Variants in RNGTT observed in about 807,000 individuals in gnomAD.
RNGTT encodes RNA guanylyltransferase and 5'-phosphatase.
RNGTT carries 33 observed loss-of-function variants against 79.3 expected under a neutral mutation model. The observed-to-expected ratio is 0.42, with a 90% CI of 0.32 to 0.56. RNGTT has a LOEUF of 0.56. Ranked by LOEUF, RNGTT falls within the 20% of genes least tolerant of loss-of-function variation. The probability of loss-of-function intolerance (pLI) is 0.17; values close to 1 mark genes in which losing one functional copy is unlikely to be tolerated. For synonymous variants in RNGTT, 222 were observed against 235.9 expected, an observed-to-expected ratio of 0.94 and a Z score of 0.54; for missense variants, 497 against 739.1, an observed-to-expected ratio of 0.67 and a Z score of 3.80.
chr6:88,768,384 A>G (rs1302459432), intron 13 of RNGTT, among the ~76,000 whole-genome samples: 8 of 152,204 alleles, frequency 5.3e-5, no homozygotes, highest in African/African-American at 1.9e-4. Flanking sequence ...CTGGAATTAC[A>G]GGCATGAGCC....
At chr6:88,728,405 C>T (rs570880284) in intron 13 of RNGTT, among the ~76,000 whole-genome samples, 31 of 152,156 alleles carry the variant, frequency 2.0e-4, no homozygotes, top group Non-Finnish European at 3.7e-4. Context: ...CCAGTGTCAA[C>T]CAGGAGTCTT....
At chr6:88,811,677 T>C (rs988385320) in intron 11 of RNGTT, among the ~76,000 whole-genome samples, 5 of 152,136 alleles carry the variant, frequency 3.3e-5, no homozygotes, top group Admixed American at 6.5e-5. Flanking sequence ...CCAATGTTAT[T>C]AGAAATACGA....
chr6:88,895,121 C>T (rs1057286084), intron 6 of RNGTT, among the ~76,000 whole-genome samples: 2 of 151,588 alleles, frequency 1.3e-5, no homozygotes, highest in African/African-American at 4.8e-5. Flanking sequence ...AGTCAGCTAG[C>T]CTTAAAATTA....
chr6:88,734,134 G>A (rs986279306), intron 13 of RNGTT, among the ~76,000 whole-genome samples: 2 of 152,080 alleles, frequency 1.3e-5, no homozygotes, highest in Admixed American at 1.3e-4. Flanking sequence ...GGCAATTACA[G>A]CATATAGTTC....
chr6:88,662,880 G>C (rs953251574), intron 14 of RNGTT, among the ~76,000 whole-genome samples: 13 of 152,206 alleles, frequency 8.5e-5, no homozygotes, highest in African/African-American at 3.1e-4. Context: ...CTTGGAACTG[G>C]CCCACTCCAT....
At chr6:88,930,443 G>A (rs1162691032) in intron 2 of RNGTT, among the ~76,000 whole-genome samples, 1 of 151,818 alleles carries the variant, frequency 6.6e-6, no homozygotes, top group Admixed American at 6.6e-5. Context: ...GCCACGGCAA[G>A]AGGATCGCTT....
intron 14 of RNGTT, among the ~76,000 whole-genome samples, chr6:88,674,948 A>G (rs969122710): frequency 2.2e-4 from 34 of 151,910 alleles, no homozygotes; most frequent in African/African-American, 7.0e-4. Flanking sequence ...AATACAAAAA[A>G]TTAGCCAGGC....
intron 5 of RNGTT, 31 bp from the exon 6 acceptor site, chr6:88,904,986 C>G: frequency 2.5e-6 from 4 of 1,606,130 alleles, no homozygotes; most frequent in Non-Finnish European, 3.4e-6. Context: ...GCAATTTCCT[C>G]GCTATCCTCT....
At chr6:88,699,121 T>C (rs1395022410) in intron 13 of RNGTT, among the ~76,000 whole-genome samples, 1 of 152,190 alleles carries the variant, frequency 6.6e-6, no homozygotes, top group Non-Finnish European at 1.5e-5. Context: ...TATTTTTCCA[T>C]TCTATTAGAT....
intron 12 of RNGTT, among the ~76,000 whole-genome samples, chr6:88,799,528 G>A (rs568660514): frequency 1.4e-3 from 206 of 151,794 alleles, no homozygotes; most frequent in African/African-American, 4.4e-3. Flanking sequence ...GTGAAACTCC[G>A]TTTCTACTAA....
chr6:88,890,391 C>T (rs914772826), intron 8 of RNGTT, 104 bp downstream of exon 8: 4 of 711,030 alleles, frequency 5.6e-6, no homozygotes, highest in African/African-American at 3.6e-5. Flanking sequence ...TTGCTATTCA[C>T]ATTAGAAATT....
At chr6:88,815,035 C>T (rs925749053) in intron 11 of RNGTT, among the ~76,000 whole-genome samples, 3 of 152,186 alleles carry the variant, frequency 2.0e-5, no homozygotes. Context: ...TACCTGGAGT[C>T]ACTGGAGAGT....
intron 8 of RNGTT, among the ~76,000 whole-genome samples, chr6:88,859,203 C>CT (rs150317107): frequency 7.4e-5 from 11 of 147,832 alleles, no homozygotes; most frequent in Admixed American, 1.4e-4. Flanking sequence ...GTTATTTTAA[C>CT]TTTTTTTTTT....
At chr6:88,726,891 A>G (rs928005624) in intron 13 of RNGTT, among the ~76,000 whole-genome samples, 4 of 152,196 alleles carry the variant, frequency 2.6e-5, no homozygotes, top group Non-Finnish European at 5.9e-5. Context: ...TAACAGTGTA[A>G]CATGCATTAT....
intron 14 of RNGTT, among the ~76,000 whole-genome samples, chr6:88,640,259 G>T (rs1314654670): frequency 6.6e-6 from 1 of 151,718 alleles, no homozygotes; most frequent in South Asian, 2.1e-4. Flanking sequence ...GTCATTTATC[G>T]AGCAATAAAG....
intron 1 of RNGTT, among the ~76,000 whole-genome samples, chr6:88,950,861 GT>G (rs56393697): frequency 0.28 from 40,589 of 142,626 alleles, 6,276 homozygotes; most frequent in East Asian, 0.6. Context: ...ACTGTTTTTG[GT>G]TTTTTTTTTT....
chr6:88,826,475 G>A (rs1780657874), intron 11 of RNGTT, among the ~76,000 whole-genome samples: 1 of 151,924 alleles, frequency 6.6e-6, no homozygotes, highest in South Asian at 2.1e-4. Context: ...TAGTAAGACT[G>A]GCTCTGCTCG....
chr6:88,638,690 TTTTC>T (rs1582263698), intron 14 of RNGTT, among the ~76,000 whole-genome samples: 1 of 152,086 alleles, frequency 6.6e-6, no homozygotes, highest in Non-Finnish European at 1.5e-5. Flanking sequence ...GTTATTTTTA[TTTTC>T]TTTTAGTAAA....
chr6:88,862,413 C>T (rs914264151), intron 8 of RNGTT, among the ~76,000 whole-genome samples: 6 of 152,172 alleles, frequency 3.9e-5, no homozygotes, highest in Non-Finnish European at 7.4e-5. Context: ...AACACGTGGA[C>T]GTTACTGGAG....
Sources: gnomAD v4.1 joint callset for allele counts (sites outside exome capture counted in the v4.1 genomes callset) on GRCh38, gnomAD v4.1.1 for gene constraint, MANE v1.5 for transcripts, NCBI Gene and HGNC (gene_info 2026-07-23, HGNC 2026-07-21) for gene names.